CDH9: variants seen among roughly 807,000 people sequenced by gnomAD.
CDH9 encodes the protein cadherin 9.
In CDH9, 28 loss-of-function variants were observed where a neutral mutation model predicts 70.9. That is an observed-to-expected ratio of 0.40 (90% confidence interval 0.29 to 0.54). The LOEUF (loss-of-function observed/expected upper bound fraction) is 0.54. CDH9 is among the 20% of genes least tolerant of loss of function. The pLI, the probability that CDH9 is intolerant of heterozygous loss-of-function variation, is 0.59. For missense variants in CDH9, 874 were observed against 984.4 expected, an observed-to-expected ratio of 0.89 and a Z score of 1.50; for synonymous variants, 409 against 343.1, an observed-to-expected ratio of 1.19 and a Z score of -2.12.
chr5:26,967,641 T>A (rs929092205), intron 2 of CDH9, among the ~76,000 whole-genome samples: 1 of 152,174 alleles, frequency 6.6e-6, no homozygotes, highest in East Asian at 1.9e-4. Flanking sequence ...AGAGCTTACA[T>A]TCTAGATGTA....
chr5:27,034,568 A>G (rs1405987038), intron 1 of CDH9, among the ~76,000 whole-genome samples: 1 of 151,348 alleles, frequency 6.6e-6, no homozygotes, highest in Non-Finnish European at 1.5e-5. Context: ...AATAAATAAT[A>G]CATCTCTCTC....
Position 26,895,097 on chromosome 5 carries a change from CA to C in CDH9, c.1254-4534del, listed in dbSNP as rs112345177. 3.5e-3 allele frequency among the ~76,000 whole-genome samples: 529 copies of C among 152,070 alleles called. 4 individuals are homozygous for C. Among genetic ancestry groups the C allele is most frequent in the African/African-American group, 0.012 (509 of 41,532 alleles). On this transcript the variant is annotated intron_variant, in intron 7 of 11. Coordinates refer to ENST00000231021, the MANE Select transcript of CDH9 (RefSeq NM_016279.4). ...AATATGCAGAAATATGTCAAGAATG[CA>C]TTCCTTTTTCTCTGCTGGATTCCAT...
intron 2 of CDH9, among the ~76,000 whole-genome samples, chr5:26,959,896 G>A (rs1742005746): frequency 1.4e-5 from 1 of 71,530 alleles, no homozygotes; most frequent in African/African-American, 2.8e-5. Flanking sequence ...TATTTAATGT[G>A]TATAGGGTTT....
chr5:26,978,704 G>A (rs1360935704), intron 2 of CDH9, among the ~76,000 whole-genome samples: 1 of 151,198 alleles, frequency 6.6e-6, no homozygotes, highest in Non-Finnish European at 1.5e-5. Context: ...ATCAAATTAA[G>A]AATACTGAAA....
At chr5:26,939,368 T>C (rs1323445971) in intron 2 of CDH9, among the ~76,000 whole-genome samples, 3 of 151,774 alleles carry the variant, frequency 2.0e-5, no homozygotes, top group African/African-American at 7.2e-5. Flanking sequence ...GTAATCTCAT[T>C]TCACAAAAGA....
intron 1 of CDH9, among the ~76,000 whole-genome samples, chr5:27,015,959 T>C (rs1162543288): frequency 6.6e-6 from 1 of 151,782 alleles, no homozygotes; most frequent in Non-Finnish European, 1.5e-5. Context: ...CAGAACTGAC[T>C]TAGGTAAATA....
intron 3 of CDH9, 62 bp downstream of exon 3, chr5:26,915,568 T>TAATAATTACC (rs1179884316): frequency 2.1e-6 from 2 of 952,968 alleles, no homozygotes; most frequent in African/African-American, 3.3e-5. Context: ...CACAAGTCAA[T>TAATAATTACC]AATAATTACC....
intron 2 of CDH9, among the ~76,000 whole-genome samples, chr5:26,942,679 G>A (rs1741684329): frequency 1.3e-5 from 2 of 152,092 alleles, no homozygotes; most frequent in Admixed American, 6.6e-5. Context: ...TAAACACCCC[G>A]GGTGGCATCC....
intron 2 of CDH9, among the ~76,000 whole-genome samples, chr5:26,979,292 C>A (rs553068309): frequency 1.3e-5 from 2 of 151,408 alleles, no homozygotes; most frequent in East Asian, 3.9e-4. Context: ...ACTATTAATT[C>A]AATTTATACT....
chr5:26,943,692 A>G (rs1024650366), intron 2 of CDH9, among the ~76,000 whole-genome samples: 1 of 152,178 alleles, frequency 6.6e-6, no homozygotes, highest in Admixed American at 6.5e-5. Context: ...GTTGTTGGAA[A>G]TTGACTGAGA....
In CDH9 at chr5:26,889,786, C is replaced by T. The variant is rs745729407; in HGVS notation, c.1512+50G>A. ...AATAAAGTGATGTAATGTCATTTGA[C>T]TTTGTAAAGAGAAAATATATTCTTT... On this transcript the variant is annotated intron_variant, in intron 9 of 11. Coordinates refer to ENST00000231021, the MANE Select transcript of CDH9 (RefSeq NM_016279.4). 37 of 1,197,218 alleles carry T rather than the reference C, an allele frequency of 3.1e-5. No homozygotes were observed. The Middle Eastern group carries it at 1.4e-3, about 44-fold the overall frequency. The allele number at this position is 1,197,218 out of a possible 1,614,324, so 74.2% of individuals were successfully genotyped here.
At chr5:26,978,134 A>G (rs1742335613) in intron 2 of CDH9, among the ~76,000 whole-genome samples, 1 of 151,838 alleles carries the variant, frequency 6.6e-6, no homozygotes, top group Non-Finnish European at 1.5e-5. Context: ...TATATAATCT[A>G]AGCTTTCTAG....
At position 26,911,572 on chromosome 5, in the gene CDH9, A is replaced by G. The variant is rs1458191260; in HGVS notation, c.523+4058T>C. 3.3e-5 allele frequency among the ~76,000 whole-genome samples: 5 copies of G among 152,146 alleles called. No homozygotes were observed. In the South Asian group the frequency reaches 6.2e-4, roughly 19 times the overall value. On this transcript the variant is annotated intron_variant, in intron 3 of 11. Transcript: ENST00000231021. Reference sequence around the variant, plus strand: ...GTCACTGAGAAAGGAAGCATCCCCAATCACCAAATTTACAAAACAAAAATT... The same window carrying G: ...GTCACTGAGAAAGGAAGCATCCCCAGTCACCAAATTTACAAAACAAAAATT...
chr5:26,933,218 A>T (rs78206145), intron 2 of CDH9, among the ~76,000 whole-genome samples: 1 of 149,834 alleles, frequency 6.7e-6, no homozygotes, highest in Non-Finnish European at 1.5e-5. Context: ...AAATAATATA[A>T]AATTCATGGT....
rs566881168 is a variant in CDH9, at chr5:26,895,582, T to G, written c.1254-5018A>C. On this transcript the variant is annotated intron_variant, in intron 7 of 11. Transcript: ENST00000231021. The stretch of plus-strand genomic sequence containing the variant: ...CGTTAAGCATAAAATAGGTGTAAAA[T>G]GAGGCAACATGTTATTTCAGATCTT... Among the ~76,000 whole-genome samples, 6 of 152,136 alleles carry G rather than the reference T, an allele frequency of 3.9e-5. No homozygotes were observed. In the East Asian group the frequency reaches 7.7e-4, roughly 20 times the overall value.
intron 7 of CDH9, among the ~76,000 whole-genome samples, chr5:26,894,967 A>G (rs776448378): frequency 1.3e-5 from 2 of 152,034 alleles, no homozygotes; most frequent in Non-Finnish European, 2.9e-5. Context: ...TATTTGCTTT[A>G]TATTTTTATG....
chr5:27,009,340 C>A (rs901987695), intron 1 of CDH9, among the ~76,000 whole-genome samples: 1 of 152,066 alleles, frequency 6.6e-6, no homozygotes, highest in Admixed American at 6.6e-5. Context: ...TATCTGCTCT[C>A]CCACATGCGA....
At chr5:26,895,859 G>T (rs972561333) in intron 7 of CDH9, among the ~76,000 whole-genome samples, 2 of 151,958 alleles carry the variant, frequency 1.3e-5, no homozygotes, top group African/African-American at 4.8e-5. Context: ...TTCTAAATTT[G>T]ATCGTAGCAA....
intron 8 of CDH9, 55 bp from the exon 9 acceptor site, chr5:26,890,012 C>T: frequency 6.5e-7 from 1 of 1,542,928 alleles, no homozygotes; most frequent in Non-Finnish European, 8.9e-7. Context: ...AGCAGTGAAA[C>T]CACTCACCCA....
Sources: gnomAD v4.1 joint callset for allele counts (sites outside exome capture counted in the v4.1 genomes callset) on GRCh38, gnomAD v4.1.1 for gene constraint, MANE v1.5 for transcripts, NCBI Gene and HGNC (gene_info 2026-07-23, HGNC 2026-07-21) for gene names.